Variants in PIK3C2G observed in about 807,000 individuals in gnomAD.
PIK3C2G encodes the protein phosphatidylinositol-4-phosphate 3-kinase catalytic subunit type 2 gamma, also known as phosphatidylinositol 3-kinase C2 domain-containing subunit gamma.
In PIK3C2G, 168 loss-of-function variants were observed where a neutral mutation model predicts 181.1. That is an observed-to-expected ratio of 0.93 (90% CI 0.82 to 1.05). PIK3C2G has a LOEUF of 1.05. Among genes scored for constraint, PIK3C2G ranks in the 50% least tolerant of loss-of-function variants. The pLI is 0.00. For missense variants in PIK3C2G, 1,869 were observed against 1,732.8 expected, an observed-to-expected ratio of 1.08 and a Z score of -1.40; for synonymous variants, 573 against 592.2, an observed-to-expected ratio of 0.97 and a Z score of 0.47.
intron 30 of PIK3C2G, among the ~76,000 whole-genome samples, chr12:18,603,367 G>A (rs954088037): frequency 2.0e-5 from 3 of 152,006 alleles, no homozygotes; most frequent in Non-Finnish European, 4.4e-5. Context: ...CAAGAAGTCT[G>A]GGATTATGTT....
chr12:18,576,761 T>C (rs1186994878), intron 29 of PIK3C2G, among the ~76,000 whole-genome samples: 1 of 152,202 alleles, frequency 6.6e-6, no homozygotes, highest in Non-Finnish European at 1.5e-5. Flanking sequence ...CAAGTGATTT[T>C]TGCATGTTAA....
At chr12:18,595,168 C>T (rs570533836) in intron 30 of PIK3C2G, among the ~76,000 whole-genome samples, 1 of 152,156 alleles carries the variant, frequency 6.6e-6, no homozygotes, top group South Asian at 2.1e-4. Context: ...CAAGGATTAG[C>T]AGGAAGTTAT....
At chr12:18,352,657 A>G (rs1940329013) in intron 11 of PIK3C2G, among the ~76,000 whole-genome samples, 1 of 152,250 alleles carries the variant, frequency 6.6e-6, no homozygotes, top group African/African-American at 2.4e-5. Context: ...ATCAGGTCAC[A>G]TGAACAAATT....
At chr12:18,717,687 A>G in the PIK3C2G span, among the ~76,000 whole-genome samples, 1 of 152,154 alleles carries the variant, frequency 6.6e-6, no homozygotes, top group African/African-American at 2.4e-5. Context: ...CATCTCAGCC[A>G]ACAGTATTAC....
chr12:18,303,377 C>G (rs1032034961), intron 5 of PIK3C2G, among the ~76,000 whole-genome samples: 1 of 151,620 alleles, frequency 6.6e-6, no homozygotes, highest in Non-Finnish European at 1.5e-5. Context: ...CTCTGTCACC[C>G]AGGCTGAAGT....
chr12:18,490,892 A>T (rs1204620214), intron 19 of PIK3C2G, among the ~76,000 whole-genome samples: 2 of 152,212 alleles, frequency 1.3e-5, no homozygotes. Context: ...TGTAGGAATG[A>T]GTAAATAACA....
rs530611789 is a variant in PIK3C2G, at chr12:18,305,849, C to A, written c.1035-8113C>A. On this transcript the variant is annotated intron_variant, in intron 5 of 32. Coordinates refer to ENST00000538779, the MANE Select transcript of PIK3C2G (RefSeq NM_001288772.2). ...TACTAAATTTTATAAATTTCACATA[C>A]CATACCCCCCACAAAAAGAGCTCCT... Among the ~76,000 whole-genome samples the A allele has an allele frequency of 5.9e-5, 9 of 151,798 alleles. No homozygotes were observed. In the South Asian group the frequency reaches 1.2e-3, roughly 21 times the overall value.
rs115266342 is a variant in PIK3C2G at position 18,298,161 on chromosome 12, C to A, written c.1034+4146C>A. Among the ~76,000 whole-genome samples, 363 of 151,980 alleles carry A rather than the reference C, an allele frequency of 2.4e-3. 1 individual carries two copies. The highest frequency in any genetic ancestry group is 8.4e-3 in the African/African-American group (347 of 41,534). On this transcript the variant is annotated intron_variant, in intron 5 of 32. Transcript: ENST00000538779. ...CTCTCCAACAGTGTATAAGAGCTCC[C>A]TTTTCTCTGCATCCTTGCCAGCATT...
chr12:18,706,186 T>C, the PIK3C2G span, among the ~76,000 whole-genome samples: 14 of 151,524 alleles, frequency 9.2e-5, no homozygotes, highest in Non-Finnish European at 1.9e-4. Context: ...GAGCCGAGAT[T>C]GCACCATTGC....
chr12:18,667,224 G>T, the PIK3C2G span, among the ~76,000 whole-genome samples: 2 of 152,136 alleles, frequency 1.3e-5, no homozygotes, highest in African/African-American at 4.8e-5. Context: ...GTTCAAATAC[G>T]TAAGTGAATA....
At chr12:18,482,378 G>A (rs1939647849) in intron 18 of PIK3C2G, among the ~76,000 whole-genome samples, 2 of 151,954 alleles carry the variant, frequency 1.3e-5, no homozygotes, top group African/African-American at 4.8e-5. Flanking sequence ...CTCCACCAAG[G>A]CCCACTGTGG....
the PIK3C2G span, chr12:18,696,322 C>CTATATATATATATATATGTATATATA: frequency 4.0e-6 from 1 of 253,072 alleles, no homozygotes. Flanking sequence ...TAAAAAGCCA[C>CTATATATATATATATATGTATATATA]TATATATATA....
chr12:18,548,814 AT>A (rs936406813), intron 26 of PIK3C2G, among the ~76,000 whole-genome samples: 29 of 151,868 alleles, frequency 1.9e-4, no homozygotes, highest in African/African-American at 6.8e-4. Context: ...CAGTTCAATA[AT>A]TTTCCTTGGT....
chr12:18,562,872 T>C lies in PIK3C2G; in HGVS notation c.3760T>C (p.Phe1254Leu). The C allele has an allele frequency of 1.9e-6, 3 of 1,599,862 alleles. No individual in the cohort carries two copies. Among genetic ancestry groups the C allele is most frequent in the Non-Finnish European group, 2.6e-6 (3 of 1,172,034 alleles). Reference sequence around the variant, plus strand: ...GATTGAAAGAGCAACAATTTTAGGGTTCAGCAAGAAATCCAGTAATGTAAG... The same window carrying C: ...GATTGAAAGAGCAACAATTTTAGGGCTCAGCAAGAAATCCAGTAATGTAAG... ...RSIERATILG[F>L]SKKSSNLYLI... Residue 1254 changes from phenylalanine to leucine, a missense_variant, in exon 27 of 33, where the codon TTC becomes CTC. Transcript: ENST00000538779.
intron 12 of PIK3C2G, 173 bp downstream of exon 12, chr12:18,363,059 G>C: frequency 2.1e-6 from 1 of 476,462 alleles, no homozygotes; most frequent in East Asian, 3.6e-5. Flanking sequence ...CAATTCAACA[G>C]ATTAAAAGTC....
chr12:18,450,371 C>A (rs1392543189), intron 18 of PIK3C2G, among the ~76,000 whole-genome samples: 1 of 152,198 alleles, frequency 6.6e-6, no homozygotes, highest in South Asian at 2.1e-4. Flanking sequence ...GGTGATCCAC[C>A]CGCCTCAGCC....
upstream of PIK3C2G, among the ~76,000 whole-genome samples, chr12:18,245,141 G>A (rs1318087373): frequency 1.3e-5 from 2 of 151,786 alleles, no homozygotes; most frequent in African/African-American, 2.4e-5. Context: ...GAATTATTGT[G>A]AGTCAGAAAA....
At chr12:18,397,173 A>T (rs550403275) in intron 15 of PIK3C2G, among the ~76,000 whole-genome samples, 2 of 152,088 alleles carry the variant, frequency 1.3e-5, no homozygotes, top group East Asian at 3.9e-4. Context: ...CAATAAATGA[A>T]AAATGTACTT....
intron 4 of PIK3C2G, among the ~76,000 whole-genome samples, chr12:18,293,637 T>G (rs1301810238): frequency 6.6e-6 from 1 of 152,152 alleles, no homozygotes; most frequent in Non-Finnish European, 1.5e-5. Flanking sequence ...TACCAAGGGC[T>G]TTAACATGAG....
Sources: gnomAD v4.1 joint callset for allele counts (sites outside exome capture counted in the v4.1 genomes callset) on GRCh38, gnomAD v4.1.1 for gene constraint, MANE v1.5 for transcripts, NCBI Gene and HGNC (gene_info 2026-07-23, HGNC 2026-07-21) for gene names.